Variants in ATP11B observed in about 807,000 individuals in gnomAD.
The protein encoded by ATP11B is ATPase phospholipid transporting 11B (putative), also known as phospholipid-transporting ATPase IF.
ATP11B carries 81 observed loss-of-function variants against 157.8 expected under a neutral mutation model. The observed-to-expected ratio is 0.51, with a 90% CI of 0.43 to 0.62. ATP11B has a LOEUF of 0.62. ATP11B is among the 20% of genes least tolerant of loss of function. The pLI, the probability that ATP11B is intolerant of heterozygous loss-of-function variation, is 0.00. For synonymous variants in ATP11B, 451 were observed against 469.4 expected, an observed-to-expected ratio of 0.96 and a Z score of 0.51; for missense variants, 1,165 against 1,402.2, an observed-to-expected ratio of 0.83 and a Z score of 2.70.
intron 7 of ATP11B, 86 bp from the exon 8 acceptor site, chr3:182,841,989 A>AAG: frequency 1.2e-6 from 1 of 860,704 alleles, no homozygotes; most frequent in East Asian, 2.7e-5. Flanking sequence ...AAAAAAAAAA[A>AAG]AAAAAAAACA....
At chr3:182,916,544 A>T (rs955354971) in intron 29 of ATP11B, 4 of 985,258 alleles carry the variant, frequency 4.1e-6, no homozygotes, top group Non-Finnish European at 4.8e-6. Context: ...GCCATGTTGC[A>T]CCCTAAAGAG....
At chr3:182,890,433 A>C (rs1723099482) in intron 25 of ATP11B, among the ~76,000 whole-genome samples, 1 of 152,234 alleles carries the variant, frequency 6.6e-6, no homozygotes, top group African/African-American at 2.4e-5. Flanking sequence ...CAAGTACTAT[A>C]CTAGGCTCTG....
intron 1 of ATP11B, among the ~76,000 whole-genome samples, chr3:182,806,012 C>A (rs1716306867): frequency 6.6e-6 from 1 of 152,122 alleles, no homozygotes; most frequent in Non-Finnish European, 1.5e-5. Flanking sequence ...TTGCATACCA[C>A]CTCTTTCTTC....
intron 25 of ATP11B, among the ~76,000 whole-genome samples, chr3:182,890,441 C>T (rs73883927): frequency 7.2e-4 from 109 of 152,276 alleles, no homozygotes; most frequent in African/African-American, 2.5e-3. Context: ...ATACTAGGCT[C>T]TGGTAAGTAA....
intron 24 of ATP11B, among the ~76,000 whole-genome samples, chr3:182,888,572 G>C (rs1722953867): frequency 6.6e-6 from 1 of 152,110 alleles, no homozygotes; most frequent in African/African-American, 2.4e-5. Context: ...CCAGGCTGGA[G>C]TGCAGTAGCA....
In ATP11B at chr3:182,845,298, C is replaced by T. The variant is rs188036470; in HGVS notation, c.705-160C>T. Among the ~76,000 whole-genome samples, 516 of 152,264 alleles carry T rather than the reference C, an allele frequency of 3.4e-3. 6 individuals are homozygous for T. Among genetic ancestry groups the T allele is most frequent in the African/African-American group, 0.012 (500 of 41,570 alleles). Reference sequence around the variant, plus strand: ...CTAGCATTACAGGCGTTAGCCACCACGCCCGGCCCCTGGGCAGCTTTATAG... The same window carrying T: ...CTAGCATTACAGGCGTTAGCCACCATGCCCGGCCCCTGGGCAGCTTTATAG... On this transcript the variant is annotated intron_variant, in intron 8 of 29. Coordinates refer to ENST00000323116, the MANE Select transcript of ATP11B (RefSeq NM_014616.3).
chr3:182,815,359 A>G (rs1716908266), intron 1 of ATP11B, among the ~76,000 whole-genome samples: 1 of 152,158 alleles, frequency 6.6e-6, no homozygotes, highest in African/African-American at 2.4e-5. Context: ...GTACCTTTAT[A>G]TAGGTATATT....
At chr3:182,810,873 A>G (rs1716622483) in intron 1 of ATP11B, among the ~76,000 whole-genome samples, 1 of 152,214 alleles carries the variant, frequency 6.6e-6, no homozygotes, top group South Asian at 2.1e-4. Context: ...ACGCTGTCAG[A>G]CATATTTCCC....
In ATP11B at chr3:182,921,396, A is replaced by ACTC. The variant is rs1474892628; in HGVS notation, c.*3293_*3295dup. 2.0e-5 allele frequency: 3 copies of ACTC among 152,252 alleles called. No individual in the cohort carries two copies. The highest frequency in any genetic ancestry group is 7.2e-5 in the African/African-American group (3 of 41,550). The allele number at this position is 152,252 out of a possible 1,614,324, so 9.4% of individuals were successfully genotyped here. On this transcript the variant is annotated 3_prime_UTR_variant, in exon 30 of 30. Coordinates refer to ENST00000323116, the MANE Select transcript of ATP11B (RefSeq NM_014616.3). ...TTGTTCCTATAAAAAATAGATCATA[A>ACTC]CTCATGATATGTTTGTAATCATGGT... is the stretch of plus-strand genomic sequence containing the variant.
intron 1 of ATP11B, among the ~76,000 whole-genome samples, chr3:182,810,111 C>G (rs1560057081): frequency 6.6e-6 from 1 of 152,106 alleles, no homozygotes; most frequent in South Asian, 2.1e-4. Flanking sequence ...GCGAGCAGAT[C>G]ACTTGAGATC....
chr3:182,822,477 A>G (rs936317691), intron 2 of ATP11B, among the ~76,000 whole-genome samples: 55 of 152,168 alleles, frequency 3.6e-4, no homozygotes, highest in Non-Finnish European at 8.8e-5. Flanking sequence ...ATAGTATTCC[A>G]TGGTGTATAT....
chr3:182,901,610 A>C (rs955224749), intron 28 of ATP11B, among the ~76,000 whole-genome samples: 1 of 152,164 alleles, frequency 6.6e-6, no homozygotes, highest in African/African-American at 2.4e-5. Context: ...ATTTATATTT[A>C]TCCTTAGAAA....
intron 19 of ATP11B, among the ~76,000 whole-genome samples, chr3:182,878,628 T>A (rs1180608042): frequency 6.6e-6 from 1 of 152,228 alleles, no homozygotes; most frequent in Admixed American, 6.5e-5. Flanking sequence ...GCAGTGAGAC[T>A]GTACTTGGAG....
chr3:182,888,858 C>CT lies in ATP11B; in HGVS notation c.2844-534dup, dbSNP rs565378947. Among the ~76,000 whole-genome samples, 254 of 124,910 alleles carry CT rather than the reference C, an allele frequency of 2.0e-3. 4 individuals carry two copies. In the South Asian group the frequency reaches 0.022, roughly 11 times the overall value. 81.9% of individuals were successfully genotyped at this position (124,910 alleles called of 152,430 possible). A position where few individuals can be genotyped will look rare whatever the true frequency, so the allele number is the denominator to read the frequency against. On this transcript the variant is annotated intron_variant, in intron 24 of 29. Coordinates refer to ENST00000323116, the MANE Select transcript of ATP11B (RefSeq NM_014616.3). ...CCACCATGCCCAGCCTATCATATTTCTTTTTTTTTTTTTTTTTTCCTTTTG... is the reference window on the plus strand; with the variant it reads ...CCACCATGCCCAGCCTATCATATTTCTTTTTTTTTTTTTTTTTTTCCTTTTG...
chr3:182,820,353 G>T lies in ATP11B; in HGVS notation c.121G>T (p.Asp41Tyr). ...NGLYTPQKFIDNRIISSKYTV... is the reference protein window; with the variant it reads ...NGLYTPQKFIYNRIISSKYTV... Reference sequence around the variant, plus strand: ...CCTTTACACACCTCAGAAATTTATAGATAACAGGATCATTTCATCTAAGGT... The same window carrying T: ...CCTTTACACACCTCAGAAATTTATATATAACAGGATCATTTCATCTAAGGT... Residue 41 changes from aspartate (D) to tyrosine (Y), a missense_variant, in exon 2 of 30, where the codon GAT (aspartate) becomes TAT (tyrosine). Coordinates refer to ENST00000323116, the MANE Select transcript of ATP11B (RefSeq NM_014616.3). 6.2e-7 allele frequency: 1 copy of T among 1,607,298 alleles called. No individual in the cohort carries two copies. Among genetic ancestry groups the T allele is most frequent in the Non-Finnish European group, 8.5e-7 (1 of 1,173,808 alleles).
intron 19 of ATP11B, among the ~76,000 whole-genome samples, chr3:182,875,701 A>G (rs1444621096): frequency 6.6e-6 from 1 of 152,160 alleles, no homozygotes; most frequent in African/African-American, 2.4e-5. Flanking sequence ...TTGGCCTCCC[A>G]AAGTGCTGGG....
chr3:182,823,596 G>A (rs891844532), intron 2 of ATP11B, among the ~76,000 whole-genome samples: 10 of 152,158 alleles, frequency 6.6e-5, no homozygotes, highest in African/African-American at 2.2e-4. Flanking sequence ...TTGGCAATGC[G>A]GGCTCTTTTT....
chr3:182,832,534 T>A (rs945562957), intron 4 of ATP11B, among the ~76,000 whole-genome samples: 62 of 152,222 alleles, frequency 4.1e-4, no homozygotes, highest in African/African-American at 1.4e-3. Flanking sequence ...ACTGTAAAAG[T>A]GAAAGTTGCC....
At position 182,919,812 on chromosome 3, in the gene ATP11B, A is replaced by G. The variant is rs1725355340; in HGVS notation, c.*1708A>G. On this transcript the variant is annotated 3_prime_UTR_variant, in exon 30 of 30. Transcript: ENST00000323116. Reference sequence around the variant, plus strand: ...GTGATGTAAGGATATTAAGTTATTAAGCTAAATATTAATTTTCAAAAATAG... The same window carrying G: ...GTGATGTAAGGATATTAAGTTATTAGGCTAAATATTAATTTTCAAAAATAG... The G allele has an allele frequency of 6.6e-6, 1 of 152,254 alleles. No individual in the cohort carries two copies. Among genetic ancestry groups the G allele is most frequent in the Non-Finnish European group, 1.5e-5 (1 of 68,046 alleles). The allele number at this position is 152,254 out of a possible 1,614,324, so 9.4% of individuals were successfully genotyped here. A position where few individuals can be genotyped will look rare whatever the true frequency, so the allele number is the denominator to read the frequency against.
Sources: allele counts gnomAD v4.1 joint callset (sites outside exome capture counted in the v4.1 genomes callset), GRCh38; gene constraint gnomAD v4.1.1; transcripts MANE v1.5; gene names NCBI Gene and HGNC (gene_info 2026-07-23, HGNC 2026-07-21).